The following FXYD5 variants were observed in gnomAD, a reference collection of about 807,000 sequenced individuals.
FXYD5 encodes FXYD domain containing ion transport regulator 5, also known as FXYD domain-containing ion transport regulator 5.
A neutral mutation model predicts 25.7 loss-of-function variants in FXYD5; 21 were observed. The ratio of observed to expected loss-of-function variants is 0.82; its 90% CI spans 0.58 to 1.18. FXYD5 has a LOEUF of 1.18. FXYD5 is among the 50% of genes most tolerant of loss of function. The pLI is 0.00. For synonymous variants in FXYD5, 101 were observed against 90.7 expected, an observed-to-expected ratio of 1.11 and a Z score of -0.64; for missense variants, 229 against 227.7, an observed-to-expected ratio of 1.01 and a Z score of -0.04.
intron 4 of FXYD5, chr19:35,159,589 ACACACAGCAC>A: frequency 7.7e-6 from 12 of 1,550,602 alleles, no homozygotes; most frequent in Non-Finnish European, 9.6e-6. Context: ...TTTTCTGTCT[ACACACAGCAC>A]CACAATGAGC....
chr19:35,161,076 C>A (rs917757875), intron 5 of FXYD5, among the ~76,000 whole-genome samples: 3 of 152,186 alleles, frequency 2.0e-5, no homozygotes, highest in African/African-American at 7.2e-5. Flanking sequence ...GTTTCCCTAA[C>A]TGATAGACTT....
rs371572310 is a variant in FXYD5 at position 35,163,497 on chromosome 19, T to G, written c.293-659T>G. On this transcript the variant is annotated intron_variant, in intron 5 of 8. Coordinates refer to ENST00000392219, the MANE Select transcript of FXYD5 (RefSeq NM_014164.6). ...GAATAGTTTTGTTGTTGTTGTTGTT[T>G]TTGAGACAGAGTGTTGCTCTGTTGC... Among the ~76,000 whole-genome samples, 126 of 152,164 alleles carry G rather than the reference T, an allele frequency of 8.3e-4. 2 individuals carry two copies. The highest frequency in any genetic ancestry group is 2.8e-3 in the African/African-American group (117 of 41,508).
intron 2 of FXYD5, 146 bp from the exon 3 acceptor site, chr19:35,157,275 T>C: frequency 1.8e-6 from 1 of 548,530 alleles, no homozygotes; most frequent in Non-Finnish European, 3.3e-6. Context: ...CTGAAAACAC[T>C]TTCAGAATTA....
chr19:35,160,628 A>G (rs1617607), intron 4 of FXYD5, 81 bp from the exon 5 acceptor site: 744,109 of 929,558 alleles, frequency 0.8, 300,140 homozygotes, highest in African/African-American at 0.95. Flanking sequence ...ATACAGACAT[A>G]AGCCACCGCG....
At position 35,158,374 on chromosome 19, in the gene FXYD5, C is replaced by T. The variant is rs1568411581; in HGVS notation, c.173C>T (p.Ser58Phe). The T allele has an allele frequency of 1.2e-6, 2 of 1,607,660 alleles. No individual in the cohort carries two copies. Among genetic ancestry groups the T allele is most frequent in the Non-Finnish European group, 8.5e-7 (1 of 1,174,248 alleles). The part of the protein sequence containing the change: ...DAVYTELQPT[S>F]PTPTWPADET... ...GTCTACACAGAACTCCAGCCCACCT[C>T]TCCAACCCCAACCTGGCCTGCTGAT... is the stretch of plus-strand genomic sequence containing the variant. The change falls in exon 4 of 9, where the codon TCT becomes TTT. Residue 58 changes from serine to phenylalanine, a missense_variant. Transcript: ENST00000392219.
chr19:35,156,113 T>C (rs548649142), intron 2 of FXYD5, among the ~76,000 whole-genome samples: 51 of 152,294 alleles, frequency 3.3e-4, no homozygotes, highest in African/African-American at 1.2e-3. Flanking sequence ...TTAGGTCAGT[T>C]AGGCTTTGCC....
chr19:35,159,651 G>A lies in FXYD5; in HGVS notation c.200-1058G>A, dbSNP rs182586472. On this transcript the variant is annotated intron_variant, in intron 4 of 8. Coordinates refer to ENST00000392219, the MANE Select transcript of FXYD5 (RefSeq NM_014164.6). ...CCTTGAGCAAACGCACTTGGAATATGTACTGACTATGTGCTGGTCATGGTT... is the reference window on the plus strand; with the variant it reads ...CCTTGAGCAAACGCACTTGGAATATATACTGACTATGTGCTGGTCATGGTT... 3.9e-6 allele frequency: 6 copies of A among 1,546,736 alleles called. No individual in the cohort carries two copies. The African/African-American group carries it at 4.1e-5, about 11-fold the overall frequency.
At chr19:35,159,811 G>A in intron 4 of FXYD5, 1 of 760,746 alleles carries the variant, frequency 1.3e-6, no homozygotes, top group Non-Finnish European at 2.0e-6. Flanking sequence ...AACAAGTCAG[G>A]GACGCAGCTG....
At chr19:35,161,433 CACA>C (rs1357140720) in intron 5 of FXYD5, among the ~76,000 whole-genome samples, 1 of 152,204 alleles carries the variant, frequency 6.6e-6, no homozygotes, top group East Asian at 1.9e-4. Context: ...AACTTTAGGT[CACA>C]TACGTGGTGG....
At chr19:35,160,318 C>A (rs547051859) in intron 4 of FXYD5, among the ~76,000 whole-genome samples, 1 of 152,172 alleles carries the variant, frequency 6.6e-6, no homozygotes, top group Non-Finnish European at 1.5e-5. Context: ...TACAGTGACA[C>A]TTGGTATACT....
intron 5 of FXYD5, 123 bp from the exon 6 acceptor site, chr19:35,164,033 C>T: frequency 2.6e-6 from 4 of 1,551,970 alleles, no homozygotes; most frequent in Non-Finnish European, 2.6e-6. Context: ...GATGCCTGAC[C>T]CTGCACACCA....
At chr19:35,163,097 C>T (rs1013566659) in intron 5 of FXYD5, among the ~76,000 whole-genome samples, 4 of 152,198 alleles carry the variant, frequency 2.6e-5, no homozygotes, top group African/African-American at 4.8e-5. Context: ...GTGGCAGAAC[C>T]GGAATTTGAG....
chr19:35,159,201 C>A (rs2065383663), intron 4 of FXYD5, among the ~76,000 whole-genome samples: 1 of 152,074 alleles, frequency 6.6e-6, no homozygotes. Flanking sequence ...CACATTCTGC[C>A]TGGAAAGAAT....
chr19:35,166,354 A>G (rs768492251), intron 8 of FXYD5, 29 bp downstream of exon 8: 2 of 1,418,566 alleles, frequency 1.4e-6, no homozygotes, highest in Non-Finnish European at 1.9e-6. Context: ...TGGGAAGGAC[A>G]CCAAGACCAG....
chr19:35,159,871 C>A, intron 4 of FXYD5: 1 of 511,790 alleles, frequency 2.0e-6, no homozygotes, highest in Non-Finnish European at 3.4e-6. Context: ...TTATCCAAGA[C>A]AATACAGGGC....
At chr19:35,159,839 T>A (rs965838758) in intron 4 of FXYD5, 40 of 608,762 alleles carry the variant, frequency 6.6e-5, no homozygotes, top group Non-Finnish European at 7.9e-5. Flanking sequence ...AGTCCAGGAA[T>A]CTGGCACCAG....
chr19:35,166,644 C>G (rs1004360163), intron 8 of FXYD5: 1 of 428,984 alleles, frequency 2.3e-6, no homozygotes, highest in Admixed American at 4.0e-5. Flanking sequence ...TTTGCCACAT[C>G]ATCTTATCCT....
rs189846518 is a variant in FXYD5, at chr19:35,168,747, G to C, written c.488-819G>C. Among the ~76,000 whole-genome samples the C allele has an allele frequency of 2.0e-4, 31 of 152,106 alleles. No individual in the cohort carries two copies. In the South Asian group the frequency reaches 3.9e-3, roughly 19 times the overall value. On this transcript the variant is annotated intron_variant, in intron 8 of 8. Coordinates refer to ENST00000392219, the MANE Select transcript of FXYD5 (RefSeq NM_014164.6). Reference sequence around the variant, plus strand: ...CCCTTCCTCCAGGTGTCTCCCTTACGTCCTTCAGACCTTTGTTCAAATGTC... The same window carrying C: ...CCCTTCCTCCAGGTGTCTCCCTTACCTCCTTCAGACCTTTGTTCAAATGTC...
At chr19:35,159,737 T>C (rs1447461789) in intron 4 of FXYD5, 1 of 1,373,376 alleles carries the variant, frequency 7.3e-7, no homozygotes, top group African/African-American at 1.5e-5. Context: ...AGGCAGAAAT[T>C]ACCATTGTCC....
Sources: allele counts gnomAD v4.1 joint callset (sites outside exome capture counted in the v4.1 genomes callset), GRCh38; gene constraint gnomAD v4.1.1; transcripts MANE v1.5; gene names NCBI Gene and HGNC (gene_info 2026-07-23, HGNC 2026-07-21).